RBFOX1: variants seen among roughly 807,000 people sequenced by gnomAD.
RBFOX1 encodes the protein RNA binding protein fox-1 homolog 1.
A neutral mutation model predicts 57.7 loss-of-function variants in RBFOX1; 8 were observed. That is an observed-to-expected ratio of 0.14 (90% CI 0.08 to 0.25). The LOEUF (loss-of-function observed/expected upper bound fraction) is 0.25. Among genes scored for constraint, RBFOX1 ranks in the 10% least tolerant of loss-of-function variants. The pLI, the probability that RBFOX1 is intolerant of heterozygous loss-of-function variation, is 1.00. For synonymous variants in RBFOX1, 326 were observed against 222.4 expected (o/e 1.47, Z -4.15); for missense variants, 611 against 548.5 (o/e 1.11, Z -1.14).
At chr16:5,912,487 TC>T (rs1281623270) in intron 4 of RBFOX1, among the ~76,000 whole-genome samples, 3 of 152,064 alleles carry the variant, frequency 2.0e-5, no homozygotes, top group Non-Finnish European at 4.4e-5. Context: ...CTCACCTCAC[TC>T]CAGTCCCACT....
At chr16:6,899,284 G>C (rs537099737) in intron 3 of RBFOX1, among the ~76,000 whole-genome samples, 2 of 152,196 alleles carry the variant, frequency 1.3e-5, no homozygotes, top group Admixed American at 1.3e-4. Flanking sequence ...ATGTATGTGT[G>C]TATAATACAT....
chr16:6,998,075 GATATAA>G (rs1167370662), intron 3 of RBFOX1, among the ~76,000 whole-genome samples: 1 of 151,838 alleles, frequency 6.6e-6, no homozygotes, highest in African/African-American at 2.4e-5. Flanking sequence ...AAAAAATATA[GATATAA>G]ATATATGTAC....
intron 1 of RBFOX1, among the ~76,000 whole-genome samples, chr16:6,221,306 A>G (rs1001336091): frequency 6.6e-6 from 1 of 152,098 alleles, no homozygotes; most frequent in African/African-American, 2.4e-5. Flanking sequence ...AAACTGTATC[A>G]CTGCTGTTTA....
At chr16:5,682,705 G>A (rs762398545) in intron 3 of RBFOX1, among the ~76,000 whole-genome samples, 25 of 152,194 alleles carry the variant, frequency 1.6e-4, no homozygotes, top group East Asian at 9.6e-4. Context: ...AAGGTTGTCC[G>A]AGTCTAACAA....
At chr16:5,707,608 A>C (rs1177623081) in intron 3 of RBFOX1, among the ~76,000 whole-genome samples, 1 of 152,228 alleles carries the variant, frequency 6.6e-6, no homozygotes, top group Admixed American at 6.5e-5. Context: ...TTAAAGGCAC[A>C]GTTTCCAGGG....
chr16:5,376,451 A>G (rs1253515221), intron 1 of RBFOX1, among the ~76,000 whole-genome samples: 1 of 151,914 alleles, frequency 6.6e-6, no homozygotes, highest in Non-Finnish European at 1.5e-5. Flanking sequence ...GTGGGTGGGG[A>G]CCCTGCTCAC....
chr16:7,088,924 C>A (rs539615105), intron 4 of RBFOX1, among the ~76,000 whole-genome samples: 1 of 152,282 alleles, frequency 6.6e-6, no homozygotes, highest in Non-Finnish European at 1.5e-5. Flanking sequence ...CCGCTTCCCT[C>A]CAGTCCCTGC....
At chr16:6,404,128 A>T (rs1321109629) in intron 2 of RBFOX1, among the ~76,000 whole-genome samples, 3 of 152,174 alleles carry the variant, frequency 2.0e-5, no homozygotes, top group African/African-American at 7.2e-5. Flanking sequence ...AGATCGAAAA[A>T]ATATATATTT....
intron 4 of RBFOX1, among the ~76,000 whole-genome samples, chr16:7,111,805 TC>T (rs2064839190): frequency 6.6e-6 from 1 of 152,020 alleles, no homozygotes; most frequent in Non-Finnish European, 1.5e-5. Context: ...TGATTTTTTT[TC>T]CCCCAAAGGA....
intron 4 of RBFOX1, among the ~76,000 whole-genome samples, chr16:7,244,354 T>G (rs1340001674): frequency 1.3e-5 from 2 of 151,904 alleles, no homozygotes; most frequent in Non-Finnish European, 2.9e-5. Flanking sequence ...AGCAACTTCT[T>G]CAAACCCTCA....
intron 2 of RBFOX1, among the ~76,000 whole-genome samples, chr16:6,584,498 G>C (rs1479269004): frequency 2.6e-5 from 4 of 151,688 alleles, no homozygotes; most frequent in Non-Finnish European, 5.9e-5. Context: ...CTCCCAAGTT[G>C]CTGGGATTAC....
chr16:6,834,336 A>C (rs1027281301), intron 3 of RBFOX1, among the ~76,000 whole-genome samples: 4 of 152,086 alleles, frequency 2.6e-5, no homozygotes, highest in South Asian at 2.1e-4. Flanking sequence ...TCGGCCTCCC[A>C]AATTTGCTGG....
chr16:6,006,683 A>G (rs930930253), intron 4 of RBFOX1, among the ~76,000 whole-genome samples: 1 of 152,238 alleles, frequency 6.6e-6, no homozygotes, highest in Non-Finnish European at 1.5e-5. Context: ...GGGAAGAGAG[A>G]GACCTGACAA....
chr16:6,685,385 C>G (rs1043074106), intron 3 of RBFOX1, among the ~76,000 whole-genome samples: 1 of 147,362 alleles, frequency 6.8e-6, no homozygotes, highest in African/African-American at 2.5e-5. Flanking sequence ...AAGCAATTCT[C>G]TTGCCTCAGC....
chr16:5,569,671 C>A (rs2046211756), intron 2 of RBFOX1, among the ~76,000 whole-genome samples: 1 of 151,786 alleles, frequency 6.6e-6, no homozygotes, highest in South Asian at 2.1e-4. Context: ...AACTCCAAAG[C>A]CATTTCTCTT....
intron 2 of RBFOX1, among the ~76,000 whole-genome samples, chr16:6,542,138 C>G (rs58088753): frequency 0.29 from 43,619 of 151,900 alleles, 7,271 homozygotes; most frequent in Middle Eastern, 0.43. Context: ...GTTGCCCAGC[C>G]TCGTCTCAAA....
At chr16:7,154,433 G>C (rs2076689162) in intron 4 of RBFOX1, among the ~76,000 whole-genome samples, 1 of 152,192 alleles carries the variant, frequency 6.6e-6, no homozygotes, top group South Asian at 2.1e-4. Flanking sequence ...TCCCATCACA[G>C]AAGGACAATA....
chr16:5,627,361 A>T (rs1412585069), intron 3 of RBFOX1, among the ~76,000 whole-genome samples: 1 of 152,136 alleles, frequency 6.6e-6, no homozygotes, highest in Non-Finnish European at 1.5e-5. Context: ...GTAAAACAGA[A>T]ACCAAATTGT....
rs974463451 is a variant in RBFOX1, at chr16:7,192,803, C to G, written c.27+140705C>G. Reference sequence around the variant, plus strand: ...TAAAAGCATTTCAAAATAAATACAACATTTTTAAAAAGTAAAATTGGAACA... The same window carrying G: ...TAAAAGCATTTCAAAATAAATACAAGATTTTTAAAAAGTAAAATTGGAACA... On this transcript the variant is annotated intron_variant, in intron 4 of 15. Transcript: ENST00000550418. 9.3e-4 allele frequency among the ~76,000 whole-genome samples: 141 copies of G among 152,286 alleles called. 1 individual carries two copies. The highest frequency in any genetic ancestry group is 3.3e-3 in the African/African-American group (139 of 41,564).
Sources: allele counts gnomAD v4.1 joint callset (sites outside exome capture counted in the v4.1 genomes callset), GRCh38; gene constraint gnomAD v4.1.1; transcripts MANE v1.5; gene names NCBI Gene and HGNC (gene_info 2026-07-23, HGNC 2026-07-21).